The following PCDH15 variants were observed in gnomAD, a reference collection of about 807,000 sequenced individuals.
PCDH15 encodes the protein protocadherin-15.
In PCDH15, 129 loss-of-function variants were observed where a neutral mutation model predicts 178.5. The ratio of observed to expected loss-of-function variants is 0.72; its 90% CI spans 0.63 to 0.84. PCDH15 has a LOEUF of 0.84. PCDH15 is among the 40% of genes least tolerant of loss of function. PCDH15 has a pLI of 0.00. For missense variants in PCDH15, 2,230 were observed against 2,099.9 expected (o/e 1.06, Z -1.21); for synonymous variants, 800 against 732.0 (o/e 1.09, Z -1.50).
chr10:55,417,546 CT>C (rs755675705), intron 2 of PCDH15, among the ~76,000 whole-genome samples: 5 of 151,326 alleles, frequency 3.3e-5, no homozygotes, highest in South Asian at 2.1e-4. Context: ...AAGAAAAAAT[CT>C]TTTATTTTAG....
intron 1 of PCDH15, among the ~76,000 whole-genome samples, chr10:54,695,352 A>C (rs2095205875): frequency 6.6e-6 from 1 of 152,174 alleles, no homozygotes; most frequent in Non-Finnish European, 1.5e-5. Context: ...AAATTCTGTG[A>C]AAACTGAGAG....
At chr10:55,121,408 T>C (rs1007690453) in intron 2 of PCDH15, among the ~76,000 whole-genome samples, 1 of 151,824 alleles carries the variant, frequency 6.6e-6, no homozygotes, top group Non-Finnish European at 1.5e-5. Flanking sequence ...GTTCCACCGA[T>C]ATCTGCTTTA....
chr10:54,990,967 G>GA (rs66632463), intron 2 of PCDH15, among the ~76,000 whole-genome samples: 52 of 147,504 alleles, frequency 3.5e-4, no homozygotes, highest in South Asian at 1.1e-3. Flanking sequence ...AATTTTAAAA[G>GA]AAAAAAAAAA....
chr10:54,585,623 T>G (rs897015804), intron 2 of PCDH15: 5 of 170,772 alleles, frequency 2.9e-5, no homozygotes, highest in Middle Eastern at 5.0e-4. Context: ...TGTTTTTTTT[T>G]TTTTTAATTT....
intron 5 of PCDH15, among the ~76,000 whole-genome samples, chr10:54,359,436 A>C (rs1006511166): frequency 1.3e-5 from 2 of 151,950 alleles, no homozygotes; most frequent in African/African-American, 4.8e-5. Context: ...CTATTAAAAT[A>C]TCACTTAGGT....
intron 13 of PCDH15, among the ~76,000 whole-genome samples, chr10:54,177,558 T>C (rs2047554048): frequency 6.6e-6 from 1 of 150,384 alleles, no homozygotes; most frequent in Non-Finnish European, 1.5e-5. Context: ...TATCTTCCTC[T>C]CAATTTTGGT....
At chr10:54,136,170 T>C (rs913092984) in intron 14 of PCDH15, among the ~76,000 whole-genome samples, 5 of 152,166 alleles carry the variant, frequency 3.3e-5, no homozygotes, top group Non-Finnish European at 7.4e-5. Flanking sequence ...AATTTGAGCA[T>C]GTTGTATCAT....
At chr10:54,350,949 C>G (rs1588973776) in intron 5 of PCDH15, among the ~76,000 whole-genome samples, 1 of 151,866 alleles carries the variant, frequency 6.6e-6, no homozygotes, top group African/African-American at 2.4e-5. Context: ...ACTAAAAATA[C>G]AAAAATTAAC....
intron 2 of PCDH15, among the ~76,000 whole-genome samples, chr10:54,938,183 T>C (rs1295807236): frequency 1.3e-5 from 2 of 152,078 alleles, no homozygotes; most frequent in Non-Finnish European, 2.9e-5. Flanking sequence ...TGTATAGTAC[T>C]TTTTATATGT....
At chr10:53,922,852 T>C (rs2133892371) in intron 25 of PCDH15, among the ~76,000 whole-genome samples, 1 of 152,114 alleles carries the variant, frequency 6.6e-6, no homozygotes, top group East Asian at 2.0e-4. Context: ...TTTGGGAGGC[T>C]GGGGGTGGGT....
chr10:54,817,841 C>G (rs922838941), intron 3 of PCDH15, among the ~76,000 whole-genome samples: 2 of 151,930 alleles, frequency 1.3e-5, no homozygotes, highest in Non-Finnish European at 2.9e-5. Flanking sequence ...ATTTTAATAG[C>G]TGTAGCTATA....
chr10:55,183,720 T>C (rs2132137323), intron 1 of PCDH15, among the ~76,000 whole-genome samples: 1 of 151,862 alleles, frequency 6.6e-6, no homozygotes, highest in East Asian at 1.9e-4. Context: ...TGCTATCAGA[T>C]GAATGCCTCC....
intron 6 of PCDH15, among the ~76,000 whole-genome samples, chr10:54,343,182 G>A (rs1036648941): frequency 7.2e-5 from 11 of 152,126 alleles, no homozygotes; most frequent in Non-Finnish European, 1.5e-4. Flanking sequence ...TCTGTGTCCC[G>A]ACTAAAATCT....
rs908681044 is a variant in PCDH15 at position 54,536,813 on chromosome 10, C to G, written c.92-8936G>C. ...GCCTATAACTGCATCCGTGTGGCTGCAAACAACATGATTTCATTCTATTTT... is the reference window on the plus strand; with the variant it reads ...GCCTATAACTGCATCCGTGTGGCTGGAAACAACATGATTTCATTCTATTTT... On this transcript the variant is annotated intron_variant, in intron 2 of 37. Coordinates refer to ENST00000644397, the MANE Select transcript of PCDH15 (RefSeq NM_001384140.1). Among the ~76,000 whole-genome samples the G allele has an allele frequency of 6.6e-5, 10 of 152,090 alleles. No homozygotes were observed. In the South Asian group the frequency reaches 1.7e-3, roughly 25 times the overall value.
chr10:55,525,417 T>C (rs994784139), intron 2 of PCDH15, among the ~76,000 whole-genome samples: 11 of 151,888 alleles, frequency 7.2e-5, no homozygotes, highest in Middle Eastern at 3.2e-3. Flanking sequence ...AGTCACTAGA[T>C]AGATAAATAA....
At chr10:54,837,561 TG>T (rs1389378481) in intron 3 of PCDH15, among the ~76,000 whole-genome samples, 8 of 152,280 alleles carry the variant, frequency 5.3e-5, no homozygotes, top group African/African-American at 1.9e-4. Flanking sequence ...TTTATAAAAT[TG>T]GAAAGTGGGA....
At chr10:54,520,108 C>A (rs2082685262) in intron 3 of PCDH15, among the ~76,000 whole-genome samples, 1 of 152,260 alleles carries the variant, frequency 6.6e-6, no homozygotes, top group Non-Finnish European at 1.5e-5. Flanking sequence ...GCCATAAAAA[C>A]CCTAGAAGAA....
intron 3 of PCDH15, among the ~76,000 whole-genome samples, chr10:54,515,949 A>C (rs2082168587): frequency 6.6e-6 from 1 of 152,224 alleles, no homozygotes; most frequent in African/African-American, 2.4e-5. Context: ...AACTGTTAGA[A>C]GGAAAACTAA....
At chr10:55,046,104 G>T (rs1463099553) in intron 2 of PCDH15, among the ~76,000 whole-genome samples, 3 of 151,978 alleles carry the variant, frequency 2.0e-5, no homozygotes, top group African/African-American at 7.2e-5. Flanking sequence ...CATACAGAGG[G>T]ATTTGCTCAT....
Sources: gnomAD v4.1 joint callset for allele counts (sites outside exome capture counted in the v4.1 genomes callset) on GRCh38, gnomAD v4.1.1 for gene constraint, MANE v1.5 for transcripts, NCBI Gene and HGNC (gene_info 2026-07-23, HGNC 2026-07-21) for gene names.